CMBL: variants seen among roughly 807,000 people sequenced by gnomAD.
CMBL encodes carboxymethylenebutenolidase homolog (Pseudomonas).
CMBL carries 17 observed loss-of-function variants against 28.7 expected under a neutral mutation model. That is an observed-to-expected ratio of 0.59 (90% CI 0.41 to 0.89). CMBL has a LOEUF of 0.89. Ranked by LOEUF, CMBL falls within the 40% of genes least tolerant of loss-of-function variation. CMBL has a pLI of 0.00. For synonymous variants in CMBL, 106 were observed against 101.6 expected (o/e 1.04, Z -0.26); for missense variants, 310 against 298.5 (o/e 1.04, Z -0.28).
In CMBL at chr5:10,279,580, T is replaced by C. The variant is rs182613483; in HGVS notation, c.*873A>G. The C allele has an allele frequency of 4.5e-4, 69 of 152,142 alleles. No homozygotes were observed. Among genetic ancestry groups the C allele is most frequent in the African/African-American group, 1.6e-3 (67 of 41,496 alleles). The allele number at this position is 152,142 out of a possible 1,614,324, so 9.4% of individuals were successfully genotyped here. On this transcript the variant is annotated 3_prime_UTR_variant, in exon 6 of 6. Transcript: ENST00000296658. ...TTTTTGAGACAGAGTCTCCCTCTGT[T>C]GTCCAGGCTGGAGTGCAGTAGCGCA...
At chr5:10,282,373 C>T (rs1746510403) in intron 4 of CMBL, 85 bp from the exon 5 acceptor site, 6 of 727,704 alleles carry the variant, frequency 8.2e-6, no homozygotes, top group Admixed American at 7.1e-5. Context: ...GATCCCCACA[C>T]TCATGCCACA....
At chr5:10,290,976 T>A (rs1464953793) in intron 1 of CMBL, among the ~76,000 whole-genome samples, 195 bp from the exon 2 acceptor site, 2 of 152,082 alleles carry the variant, frequency 1.3e-5, no homozygotes, top group Admixed American at 6.5e-5. Context: ...AAATGCCGGA[T>A]TGAATAACAA....
chr5:10,299,088 GATA>G (rs551054461), intron 1 of CMBL, among the ~76,000 whole-genome samples: 271 of 152,238 alleles, frequency 1.8e-3, no homozygotes, highest in African/African-American at 6.2e-3. Context: ...AGATTAATAA[GATA>G]ATGATTAACA....
rs1746434095 is a variant in CMBL at position 10,278,496 on chromosome 5, C to T, written c.*1957G>A. ...TCATGCCTGCTTGCTCTAAACCCCCCAGTTAGAACCTCCAGGGGAAACCTG... is the reference window on the plus strand; with the variant it reads ...TCATGCCTGCTTGCTCTAAACCCCCTAGTTAGAACCTCCAGGGGAAACCTG... On this transcript the variant is annotated 3_prime_UTR_variant, in exon 6 of 6. Transcript: ENST00000296658. Among the ~76,000 whole-genome samples, 1 of 152,222 alleles carries T rather than the reference C, an allele frequency of 6.6e-6. No homozygotes were observed. Among genetic ancestry groups the T allele is most frequent in the East Asian group, 1.9e-4 (1 of 5,144 alleles).
chr5:10,282,132 C>T (rs1225796402), intron 5 of CMBL, 65 bp downstream of exon 5: 1 of 1,172,240 alleles, frequency 8.5e-7, no homozygotes, highest in African/African-American at 1.5e-5. Flanking sequence ...TGCATTCCAG[C>T]CTGGGCGACA....
At chr5:10,306,208 C>T (rs1036482707) in intron 1 of CMBL, among the ~76,000 whole-genome samples, 1 of 152,144 alleles carries the variant, frequency 6.6e-6, no homozygotes. Context: ...ATTCAAATAA[C>T]TCACAAGTCA....
chr5:10,290,120 G>C (rs756477878), intron 2 of CMBL, among the ~76,000 whole-genome samples: 1 of 152,236 alleles, frequency 6.6e-6, no homozygotes, highest in African/African-American at 2.4e-5. Flanking sequence ...ACGACCGTAC[G>C]TGTATGGACC....
rs1746665878 is a variant in CMBL at position 10,289,548 on chromosome 5, G to A, written c.215+1000C>T. 6.6e-6 allele frequency among the ~76,000 whole-genome samples: 1 copy of A among 152,214 alleles called. No homozygotes were observed. Among genetic ancestry groups the A allele is most frequent in the Non-Finnish European group, 1.5e-5 (1 of 68,040 alleles). On this transcript the variant is annotated intron_variant, in intron 2 of 5. Coordinates refer to ENST00000296658, the MANE Select transcript of CMBL (RefSeq NM_138809.4). This position sits in a 1 kb window ranked among gnomAD's most constrained non-coding sequence, Gnocchi z 4.3. ...GGCCTGGTTTCCTAATCTGCAAAAT[G>A]AGAGCAATAACAGCTCCTCCCTCAA...
At chr5:10,291,024 G>C (rs1390656896) in intron 1 of CMBL, among the ~76,000 whole-genome samples, 1 of 152,130 alleles carries the variant, frequency 6.6e-6, no homozygotes, top group Non-Finnish European at 1.5e-5. Flanking sequence ...AACTCACAGG[G>C]AAAAGGGACT....
intron 3 of CMBL, among the ~76,000 whole-genome samples, chr5:10,288,085 T>A (rs986996056): frequency 6.7e-6 from 1 of 149,324 alleles, no homozygotes; most frequent in African/African-American, 2.5e-5. Flanking sequence ...CTGGCCAACA[T>A]GGTGAAACCC....
At chr5:10,302,807 C>A (rs1020250072) in intron 1 of CMBL, among the ~76,000 whole-genome samples, 4 of 152,176 alleles carry the variant, frequency 2.6e-5, no homozygotes, top group African/African-American at 9.6e-5. Context: ...TGAAACAAAT[C>A]AAGTATTTTA....
chr5:10,297,984 G>A (rs1746837753), intron 1 of CMBL, among the ~76,000 whole-genome samples: 1 of 152,152 alleles, frequency 6.6e-6, no homozygotes, highest in African/African-American at 2.4e-5. Context: ...GGATAAGCAG[G>A]AAAACAGGGG....
chr5:10,282,960 C>T (rs1046802027), intron 4 of CMBL, among the ~76,000 whole-genome samples: 17 of 151,798 alleles, frequency 1.1e-4, no homozygotes, highest in Non-Finnish European at 1.9e-4. Flanking sequence ...TGTGGTGGCA[C>T]GCGCCTGCAA....
Position 10,289,078 on chromosome 5 carries a change from C to T in CMBL, c.216-549G>A, listed in dbSNP as rs540209582. Among the ~76,000 whole-genome samples the T allele has an allele frequency of 1.2e-4, 19 of 152,278 alleles. No homozygotes were observed. Among genetic ancestry groups the T allele is most frequent in the South Asian group, 4.1e-4 (2 of 4,820 alleles). On this transcript the variant is annotated intron_variant, in intron 2 of 5. Transcript: ENST00000296658. The surrounding 1 kb of genome is among the most constrained non-coding windows in gnomAD (Gnocchi z 4.3). ...AAACAAGCCTGGCCCCAGTCCAGGTCGCTCTTCCATGCAAGTCAACCCAGA... is the reference window on the plus strand; with the variant it reads ...AAACAAGCCTGGCCCCAGTCCAGGTTGCTCTTCCATGCAAGTCAACCCAGA...
At chr5:10,292,956 T>C (rs1746753298) in intron 1 of CMBL, among the ~76,000 whole-genome samples, 1 of 152,154 alleles carries the variant, frequency 6.6e-6, no homozygotes, top group South Asian at 2.1e-4. Context: ...GTGAACTGCC[T>C]GCATATTAAC....
chr5:10,286,336 T>C lies in CMBL; in HGVS notation c.466+18A>G, dbSNP rs765293407. On this transcript the variant is annotated intron_variant, in intron 4 of 5. Coordinates refer to ENST00000296658, the MANE Select transcript of CMBL (RefSeq NM_138809.4). ...CCCTCCCTTCTGCATGGAGTAAAAA[T>C]GCACAAGGCAGATTTACCATAGACG... The C allele has an allele frequency of 6.2e-7, 1 of 1,610,280 alleles. No homozygotes were observed. The highest frequency in any genetic ancestry group is 8.5e-7 in the Non-Finnish European group (1 of 1,177,952).
At chr5:10,283,849 C>T (rs748422979) in intron 4 of CMBL, among the ~76,000 whole-genome samples, 10 of 152,228 alleles carry the variant, frequency 6.6e-5, no homozygotes, top group African/African-American at 9.6e-5. Flanking sequence ...CTGCCTGACC[C>T]AGGTTGTCTG....
Position 10,295,085 on chromosome 5 carries a change from A to ATT in CMBL, c.-19-4306_-19-4305dup, listed in dbSNP as rs538421564. On this transcript the variant is annotated intron_variant, in intron 1 of 5. Transcript: ENST00000296658. ...TATTGATGAATTCATCTACTTGCTG[A>ATT]TTTTTTTTTTTTTTTGAGACAGAGA... Among the ~76,000 whole-genome samples the ATT allele has an allele frequency of 1.9e-3, 266 of 143,520 alleles. 1 individual carries two copies. The highest frequency in any genetic ancestry group is 6.1e-3 in the African/African-American group (241 of 39,250). The allele number at this position is 143,520 out of a possible 152,430, so 94.2% of individuals were successfully genotyped here. A position where few individuals can be genotyped will look rare whatever the true frequency, so the allele number is the denominator to read the frequency against.
Position 10,282,237 on chromosome 5 carries a change from A to C in CMBL, c.518T>G (p.Phe173Cys), listed in dbSNP as rs1160300249. ...CACAACATCATTTTCAGCAAAAATG[A>C]ACAAAGTGGGGTTCTTTAAATTGTA... ...DIYNLKNPTLFIFAENDVVIP... is the reference protein window; with the variant it reads ...DIYNLKNPTLCIFAENDVVIP... The change falls in exon 5 of 6, where the codon TTC (phenylalanine) becomes TGC (cysteine). Residue 173 changes from phenylalanine to cysteine, a missense_variant. Coordinates refer to ENST00000296658, the MANE Select transcript of CMBL (RefSeq NM_138809.4). The C allele has an allele frequency of 6.2e-7, 1 of 1,613,284 alleles. No homozygotes were observed. The highest frequency in any genetic ancestry group is 1.7e-5 in the Admixed American group (1 of 59,998).
Sources: allele counts gnomAD v4.1 joint callset (sites outside exome capture counted in the v4.1 genomes callset), GRCh38; gene constraint gnomAD v4.1.1; non-coding constraint Gnocchi (gnomAD v3.1); transcripts MANE v1.5; gene names NCBI Gene and HGNC (gene_info 2026-07-23, HGNC 2026-07-21).